The following TUSC3 variants were observed in gnomAD, a reference collection of about 807,000 sequenced individuals.
The protein encoded by TUSC3 is dolichyl-diphosphooligosaccharide--protein glycosyltransferase subunit TUSC3.
TUSC3 carries 45 observed loss-of-function variants against 44.8 expected under a neutral mutation model. The observed-to-expected ratio is 1.00, with a 90% confidence interval of 0.79 to 1.29. The LOEUF (loss-of-function observed/expected upper bound fraction) is 1.29. Ranked by LOEUF, TUSC3 falls within the 50% of genes most tolerant of loss-of-function variation. TUSC3 has a pLI of 0.00. For synonymous variants in TUSC3, 212 were observed against 152.9 expected, an observed-to-expected ratio of 1.39 and a Z score of -2.85; for missense variants, 519 against 437.9, an observed-to-expected ratio of 1.19 and a Z score of -1.65.
chr8:15,641,988 A>G (rs546002234), intron 2 of TUSC3, among the ~76,000 whole-genome samples: 106 of 152,322 alleles, frequency 7.0e-4, no homozygotes, highest in Non-Finnish European at 1.2e-3. Flanking sequence ...CACTCACCAA[A>G]TTGTACCCAT....
intron 1 of TUSC3, among the ~76,000 whole-genome samples, chr8:15,424,803 C>G (rs575929074): frequency 6.6e-6 from 1 of 151,698 alleles, no homozygotes; most frequent in African/African-American, 2.4e-5. Context: ...TCACTTGAAC[C>G]GGGAGGCAGA....
intron 1 of TUSC3, among the ~76,000 whole-genome samples, chr8:15,606,828 T>A (rs1292083913): frequency 6.6e-6 from 1 of 152,116 alleles, no homozygotes; most frequent in East Asian, 1.9e-4. Flanking sequence ...TAAATGTGAC[T>A]TCTTGAAAGA....
chr8:15,575,777 A>C (rs1448074135), intron 1 of TUSC3, among the ~76,000 whole-genome samples: 1 of 152,092 alleles, frequency 6.6e-6, no homozygotes, highest in Non-Finnish European at 1.5e-5. Flanking sequence ...AAAATAAATA[A>C]ATAAATTCTT....
At chr8:15,652,050 A>G (rs1013230334) in intron 3 of TUSC3, among the ~76,000 whole-genome samples, 1 of 152,188 alleles carries the variant, frequency 6.6e-6, no homozygotes, top group Non-Finnish European at 1.5e-5. Context: ...TTTGAACTCA[A>G]CTGTGTGGCT....
chr8:15,614,039 G>A (rs1330367886), intron 1 of TUSC3, among the ~76,000 whole-genome samples: 3 of 149,796 alleles, frequency 2.0e-5, no homozygotes, highest in African/African-American at 4.9e-5. Flanking sequence ...TTCGGTGGGG[G>A]TCTGAGTTAA....
intron 2 of TUSC3, among the ~76,000 whole-genome samples, chr8:15,489,344 T>C (rs916024918): frequency 6.6e-5 from 10 of 152,112 alleles, no homozygotes; most frequent in Non-Finnish European, 2.9e-5. Context: ...AGTTAAGGGG[T>C]TGTGGAAACC....
In TUSC3 at chr8:15,551,672, C is replaced by G. The variant is rs182074915; in HGVS notation, c.138+11104C>G. ...ATAGGTGTTATATACCACAGTAACT[C>G]AGGAGAAACAACTTAAGAAGTTATT... On this transcript the variant is annotated intron_variant, in intron 1 of 10. Transcript: ENST00000503731. Among the ~76,000 whole-genome samples the G allele has an allele frequency of 1.8e-3, 272 of 151,808 alleles. 3 individuals are homozygous for G. The highest frequency in any genetic ancestry group is 6.3e-3 in the African/African-American group (263 of 41,500).
At chr8:15,474,125 C>A (rs1800535260) in intron 1 of TUSC3, among the ~76,000 whole-genome samples, 1 of 152,162 alleles carries the variant, frequency 6.6e-6, no homozygotes, top group South Asian at 2.1e-4. Flanking sequence ...ACTTACACGT[C>A]CATTTATAGG....
chr8:15,772,338 T>C, the TUSC3 span, among the ~76,000 whole-genome samples: 2 of 152,046 alleles, frequency 1.3e-5, no homozygotes, highest in African/African-American at 2.4e-5. Context: ...ATATCAGAAA[T>C]GGAAGTGGGA....
At chr8:15,502,790 C>A (rs988562081) in intron 2 of TUSC3, among the ~76,000 whole-genome samples, 2 of 152,208 alleles carry the variant, frequency 1.3e-5, no homozygotes, top group African/African-American at 4.8e-5. Flanking sequence ...CACAGCAGGT[C>A]CCTTAGATCC....
intron 8 of TUSC3, among the ~76,000 whole-genome samples, chr8:15,745,776 C>G (rs1343595151): frequency 6.6e-6 from 1 of 151,748 alleles, no homozygotes; most frequent in Non-Finnish European, 1.5e-5. Context: ...TTTTGCGGTG[C>G]AGAGGCTCAT....
intron 1 of TUSC3, among the ~76,000 whole-genome samples, chr8:15,564,131 ATTAGT>A (rs1802580018): frequency 6.6e-6 from 1 of 152,120 alleles, no homozygotes; most frequent in African/African-American, 2.4e-5. Flanking sequence ...CTTTTAAAGT[ATTAGT>A]TTAGATTTTT....
At chr8:15,774,992 A>G in the TUSC3 span, among the ~76,000 whole-genome samples, 1 of 152,174 alleles carries the variant, frequency 6.6e-6, no homozygotes. Context: ...ATAAGGGAAA[A>G]TAGGTGTTTA....
chr8:15,753,892 A>C (rs576888845), intron 9 of TUSC3, among the ~76,000 whole-genome samples: 1 of 152,216 alleles, frequency 6.6e-6, no homozygotes, highest in African/African-American at 2.4e-5. Context: ...GCAAGTGTCA[A>C]AGAGGGAACA....
At chr8:15,686,099 C>G (rs1585228595) in intron 6 of TUSC3, among the ~76,000 whole-genome samples, 1 of 152,066 alleles carries the variant, frequency 6.6e-6, no homozygotes, top group East Asian at 1.9e-4. Context: ...TGGCACAAGT[C>G]AAGTACTAAT....
chr8:15,551,537 A>T (rs1476756700), intron 1 of TUSC3, among the ~76,000 whole-genome samples: 6 of 151,758 alleles, frequency 4.0e-5, no homozygotes, highest in African/African-American at 1.4e-4. Context: ...GTCAAATAGC[A>T]ATTAAATTTA....
chr8:15,596,493 C>T (rs1563125156), intron 1 of TUSC3, among the ~76,000 whole-genome samples: 2 of 152,112 alleles, frequency 1.3e-5, no homozygotes, highest in Non-Finnish European at 2.9e-5. Context: ...AACTGCAGGG[C>T]TTGAGTATAT....
intron 7 of TUSC3, among the ~76,000 whole-genome samples, chr8:15,742,232 G>GAGGGTTGATGTTGTGCAGGGGTGCC (rs55870051): frequency 1.3e-5 from 2 of 151,730 alleles, no homozygotes; most frequent in African/African-American, 2.4e-5. Flanking sequence ...TGTATGGTGG[G>GAGGGTTGATGTTGTGCAGGGGTGCC]AGGGGCTTTT....
chr8:15,638,507 CTTTTTTTCTTTTTTTTTTTT>C (rs996087706), intron 2 of TUSC3, among the ~76,000 whole-genome samples: 5 of 112,678 alleles, frequency 4.4e-5, no homozygotes, highest in Non-Finnish European at 7.1e-5. Flanking sequence ...CTTTTTTTTT[CTTTTTTTCTTTTTTTTTTTT>C]TTTTTTTTTT....
Sources: gnomAD v4.1 joint callset for allele counts (sites outside exome capture counted in the v4.1 genomes callset) on GRCh38, gnomAD v4.1.1 for gene constraint, MANE v1.5 for transcripts, NCBI Gene and HGNC (gene_info 2026-07-23, HGNC 2026-07-21) for gene names.